FASTKD2: variants seen among roughly 807,000 people sequenced by gnomAD.
FASTKD2 encodes the protein FAST kinase domain-containing protein 2, mitochondrial.
In FASTKD2, 51 loss-of-function variants were observed where a neutral mutation model predicts 63.6. The observed-to-expected ratio is 0.80, with a 90% CI of 0.64 to 1.01. FASTKD2 has a LOEUF of 1.01. Among genes scored for constraint, FASTKD2 ranks in the 50% least tolerant of loss-of-function variants. The pLI is 0.00. For synonymous variants in FASTKD2, 284 were observed against 293.4 expected, an observed-to-expected ratio of 0.97 and a Z score of 0.33; for missense variants, 786 against 831.1, an observed-to-expected ratio of 0.95 and a Z score of 0.67.
rs1396187793 is a variant in FASTKD2, at chr2:206,793,828, T to C, written c.*2026T>C. 6.6e-6 allele frequency among the ~76,000 whole-genome samples: 1 copy of C among 152,170 alleles called. No homozygotes were observed. Among genetic ancestry groups the C allele is most frequent in the Non-Finnish European group, 1.5e-5 (1 of 68,028 alleles). On this transcript the variant is annotated 3_prime_UTR_variant, in exon 12 of 12. Transcript: ENST00000402774. ...GAAAGAAAAATGGGCAAAGAGCTGA[T>C]GAACATGAAAAAAGTTCAGTCTACT...
intron 7 of FASTKD2, among the ~76,000 whole-genome samples, chr2:206,781,421 T>A (rs544526194): frequency 5.8e-4 from 86 of 148,106 alleles, no homozygotes; most frequent in Non-Finnish European, 1.1e-3. Flanking sequence ...GTTCAAGCGA[T>A]TCTCCTGTCT....
chr2:206,772,428 A>G (rs1375069153), intron 6 of FASTKD2, 108 bp downstream of exon 6: 4 of 1,111,790 alleles, frequency 3.6e-6, no homozygotes, highest in African/African-American at 3.1e-5. Flanking sequence ...AGATACCAAA[A>G]TATTCCAATG....
At position 206,796,039 on chromosome 2, in the gene FASTKD2, A is replaced by G. The variant is rs80327159; in HGVS notation, c.*4237A>G. 3.3e-5 allele frequency among the ~76,000 whole-genome samples: 5 copies of G among 152,306 alleles called. No homozygotes were observed. In the East Asian group the frequency reaches 9.6e-4, roughly 29 times the overall value. On this transcript the variant is annotated 3_prime_UTR_variant, in exon 12 of 12. Coordinates refer to ENST00000402774, the MANE Select transcript of FASTKD2 (RefSeq NM_001136193.2). ...TCTTGTAAGCAGGAGGCTTCTGTGC[A>G]TGGCCAGAAACTAACAAAAGCACAT... is the stretch of plus-strand genomic sequence containing the variant.
chr2:206,790,368 G>A, intron 10 of FASTKD2: 1 of 528,118 alleles, frequency 1.9e-6, no homozygotes, highest in East Asian at 3.4e-5. Context: ...TGTGTATAAT[G>A]TTGTATATTT....
At chr2:206,768,151 A>G (rs1173537546) in intron 2 of FASTKD2, among the ~76,000 whole-genome samples, 2 of 152,226 alleles carry the variant, frequency 1.3e-5, no homozygotes, top group Non-Finnish European at 2.9e-5. Flanking sequence ...CCTGTAGGCA[A>G]TGGGAATCCG....
At chr2:206,770,520 G>A (rs1689644244) in intron 3 of FASTKD2, among the ~76,000 whole-genome samples, 1 of 152,108 alleles carries the variant, frequency 6.6e-6, no homozygotes, top group African/African-American at 2.4e-5. Flanking sequence ...GAGGCAGGCG[G>A]ATCACGAGGT....
At chr2:206,768,115 C>T (rs193182983) in intron 2 of FASTKD2, among the ~76,000 whole-genome samples, 4 of 152,236 alleles carry the variant, frequency 2.6e-5, no homozygotes, top group Admixed American at 6.5e-5. Context: ...GAGCCTCTTA[C>T]GGCTAGCTAA....
At chr2:206,776,411 A>G (rs754886492) in intron 7 of FASTKD2, among the ~76,000 whole-genome samples, 5 of 151,792 alleles carry the variant, frequency 3.3e-5, no homozygotes, top group Non-Finnish European at 7.4e-5. Context: ...TGTTGCCTGC[A>G]CTTTTGGTAT....
Position 206,774,270 on chromosome 2 carries a change from G to C in FASTKD2, c.1300G>C (p.Val434Leu). ...ATTTGAAAACCTTGGCTTTCGACCT[G>C]TTGGTTTAATGGACCTGTTTATGAA... ...ILFENLGFRP[V>L]GLMDLFMKRI... The change falls in exon 7 of 12, where the codon GTT becomes CTT. Residue 434 changes from valine to leucine, a missense_variant. Physicochemically the swap from Val to Leu is conservative, Grantham distance 32. Coordinates refer to ENST00000402774, the MANE Select transcript of FASTKD2 (RefSeq NM_001136193.2). The C allele has an allele frequency of 6.2e-7, 1 of 1,611,968 alleles. No homozygotes were observed.
intron 2 of FASTKD2, among the ~76,000 whole-genome samples, chr2:206,767,746 A>G (rs912094493): frequency 6.6e-6 from 1 of 152,198 alleles, no homozygotes; most frequent in Non-Finnish European, 1.5e-5. Flanking sequence ...TGCAAGATAT[A>G]CAAAGAAAGC....
rs1398382343 is a variant in FASTKD2, at chr2:206,767,459, A to C, written c.766A>C (p.Arg256=). 22 of 1,609,710 alleles carry C rather than the reference A, an allele frequency of 1.4e-5. No individual in the cohort carries two copies. The highest frequency in any genetic ancestry group is 1.8e-5 in the Non-Finnish European group (21 of 1,179,748). The part of the protein sequence containing the change: ...QNTILVQTLL[R]VTQERINECD... ...CACTATTTTGGTGCAGACTTTGCTG[A>C]GGGTGACCCAGGTAAAATAAAAAGG... The change falls in exon 2 of 12, where the codon AGG becomes CGG. Residue 256 remains arginine, a synonymous_variant. Transcript: ENST00000402774.
intron 3 of FASTKD2, among the ~76,000 whole-genome samples, chr2:206,770,556 C>T (rs1008571449): frequency 6.6e-6 from 1 of 151,882 alleles, no homozygotes; most frequent in South Asian, 2.1e-4. Context: ...ATGGTGAAAG[C>T]CCGTCTCTAC....
chr2:206,791,531 T>C, intron 11 of FASTKD2, 152 bp from the exon 12 acceptor site: 1 of 691,742 alleles, frequency 1.4e-6, no homozygotes, highest in Non-Finnish European at 2.5e-6. Flanking sequence ...CATGTAGTCT[T>C]ATTATGCCTT....
Position 206,794,139 on chromosome 2 carries a change from T to C in FASTKD2, c.*2337T>C, listed in dbSNP as rs982667704. ...TGACGTACATACACACACACACACA[T>C]CTGTGAAACCACAATCAAGATAATG... On this transcript the variant is annotated 3_prime_UTR_variant, in exon 12 of 12. Coordinates refer to ENST00000402774, the MANE Select transcript of FASTKD2 (RefSeq NM_001136193.2). Among the ~76,000 whole-genome samples, 1 of 150,608 alleles carries C rather than the reference T, an allele frequency of 6.6e-6. No homozygotes were observed. The highest frequency in any genetic ancestry group is 2.5e-5 in the African/African-American group (1 of 40,412).
At chr2:206,789,161 AATAAAACAATATTAAT>A (rs1233500488) in intron 10 of FASTKD2, 1 of 430,266 alleles carries the variant, frequency 2.3e-6, no homozygotes, top group Non-Finnish European at 4.2e-6. Flanking sequence ...GCTATAGTTC[AATAAAACAATATTAAT>A]ATAATTGAAA....
intron 7 of FASTKD2, among the ~76,000 whole-genome samples, chr2:206,778,804 T>C (rs1689890290): frequency 6.6e-6 from 1 of 151,678 alleles, no homozygotes; most frequent in Non-Finnish European, 1.5e-5. Flanking sequence ...TGGCATTAGG[T>C]TCTCATAGGC....
In FASTKD2 at chr2:206,795,319, C is replaced by T. The variant is rs1258329301; in HGVS notation, c.*3517C>T. 3.9e-5 allele frequency among the ~76,000 whole-genome samples: 6 copies of T among 152,130 alleles called. No homozygotes were observed. The highest frequency in any genetic ancestry group is 1.9e-4 in the East Asian group (1 of 5,188). On this transcript the variant is annotated 3_prime_UTR_variant, in exon 12 of 12. Coordinates refer to ENST00000402774, the MANE Select transcript of FASTKD2 (RefSeq NM_001136193.2). Reference sequence around the variant, plus strand: ...CGTGATCTCAGCTCACTGCAAGCTCCGCCTCCTGGGTTCAAGCCATTCTCC... The same window carrying T: ...CGTGATCTCAGCTCACTGCAAGCTCTGCCTCCTGGGTTCAAGCCATTCTCC...
chr2:206,766,553 C>T (rs1689481609), intron 1 of FASTKD2, 91 bp from the exon 2 acceptor site: 1 of 763,396 alleles, frequency 1.3e-6, no homozygotes, highest in Non-Finnish European at 2.2e-6. Flanking sequence ...TCCATAGGTT[C>T]CCCATTTTCT....
At chr2:206,780,224 T>TGTTTTCACAGGAAACA (rs1689935278) in intron 7 of FASTKD2, among the ~76,000 whole-genome samples, 1 of 152,236 alleles carries the variant, frequency 6.6e-6, no homozygotes, top group Non-Finnish European at 1.5e-5. Flanking sequence ...TACTTTCCTG[T>TGTTTTCACAGGAAACA]GTTTTCACAT....
Sources: allele counts gnomAD v4.1 joint callset (sites outside exome capture counted in the v4.1 genomes callset), GRCh38; gene constraint gnomAD v4.1.1; transcripts MANE v1.5; gene names NCBI Gene and HGNC (gene_info 2026-07-23, HGNC 2026-07-21).